EPHX1: variants seen among roughly 807,000 people sequenced by gnomAD.
The protein encoded by EPHX1 is epoxide hydratase.
EPHX1 carries 40 observed loss-of-function variants against 43.2 expected under a neutral mutation model. The observed-to-expected ratio is 0.93, with a 90% CI of 0.72 to 1.21. The LOEUF is 1.21. Among genes scored for constraint, EPHX1 ranks in the 50% most tolerant of loss-of-function variants. The pLI, the probability that EPHX1 is intolerant of heterozygous loss-of-function variation, is 0.00. For synonymous variants in EPHX1, 221 were observed against 226.7 expected, an observed-to-expected ratio of 0.98 and a Z score of 0.22; for missense variants, 550 against 570.4, an observed-to-expected ratio of 0.96 and a Z score of 0.36.
chr1:225,826,279 C>T (rs1317129075), intron 1 of EPHX1, among the ~76,000 whole-genome samples: 1 of 151,982 alleles, frequency 6.6e-6, no homozygotes, highest in Non-Finnish European at 1.5e-5. Flanking sequence ...GCCTGGCCAA[C>T]ATGGTGAAAC....
In EPHX1 at chr1:225,831,764, T is replaced by G. The variant is rs1667615102; in HGVS notation, c.184-15T>G. 2 of 1,613,496 alleles carry G rather than the reference T, an allele frequency of 1.2e-6. No individual in the cohort carries two copies. Among genetic ancestry groups the G allele is most frequent in the East Asian group, 4.5e-5 (2 of 44,876 alleles). ...TCCCATCCCTCTCAACTTGGGGTCCTGAATTTTGCTCCAGGACTTACACCA... is the reference window on the plus strand; with the variant it reads ...TCCCATCCCTCTCAACTTGGGGTCCGGAATTTTGCTCCAGGACTTACACCA... On this transcript the variant is annotated splice_polypyrimidine_tract_variant and intron_variant, in intron 2 of 8. Coordinates refer to ENST00000272167, the MANE Select transcript of EPHX1 (RefSeq NM_001136018.4).
chr1:225,820,140 C>T (rs2740178), intron 1 of EPHX1, among the ~76,000 whole-genome samples: 1 of 152,148 alleles, frequency 6.6e-6, no homozygotes, highest in Non-Finnish European at 1.5e-5. Context: ...CTGTGTTCCC[C>T]AGGCTGGAGT....
At chr1:225,842,646 G>A (rs1217749665) in intron 7 of EPHX1, among the ~76,000 whole-genome samples, 172 bp downstream of exon 7, 1 of 152,248 alleles carries the variant, frequency 6.6e-6, no homozygotes, top group Non-Finnish European at 1.5e-5. Flanking sequence ...TTTGGGTGAG[G>A]TGGCCTGGTG....
chr1:225,821,565 CTTTTTTTTTTTT>C (rs869228485), intron 1 of EPHX1, among the ~76,000 whole-genome samples: 1 of 69,844 alleles, frequency 1.4e-5, no homozygotes, highest in Admixed American at 1.8e-4. Flanking sequence ...TTTTTTGGTT[CTTTTTTTTTTTT>C]TTTTTTTTTT....
At chr1:225,828,984 A>G in intron 2 of EPHX1, 72 bp downstream of exon 2, 1 of 1,521,460 alleles carries the variant, frequency 6.6e-7, no homozygotes, top group South Asian at 1.2e-5. Context: ...GTTGGGTCTT[A>G]GGCCAGATGC....
intron 3 of EPHX1, among the ~76,000 whole-genome samples, chr1:225,834,829 T>A (rs1667865405): frequency 6.6e-6 from 1 of 152,194 alleles, no homozygotes; most frequent in Admixed American, 6.5e-5. Context: ...TTGTCCCAGC[T>A]CTTCAGTGTC....
chr1:225,840,157 C>T, intron 6 of EPHX1, 120 bp downstream of exon 6: 1 of 880,472 alleles, frequency 1.1e-6, no homozygotes, highest in South Asian at 1.4e-5. Flanking sequence ...TTGTAAGGAC[C>T]TCCCAGCTCT....
intron 8 of EPHX1, 148 bp from the exon 9 acceptor site, chr1:225,844,998 G>A (rs549036583): frequency 4.5e-5 from 40 of 881,000 alleles, no homozygotes; most frequent in African/African-American, 4.0e-4. Context: ...AGGGGAGAGC[G>A]GTTGAGACCC....
In EPHX1 at chr1:225,845,346, G is replaced by A; in HGVS notation, c.1367G>A (p.Ter456=). The A allele has an allele frequency of 6.2e-7, 1 of 1,606,732 alleles. No homozygotes were observed. The highest frequency in any genetic ancestry group is 8.5e-7 in the Non-Finnish European group (1 of 1,178,762). The part of the protein sequence containing the change: ...RKFLSVLERQ[*] ...TTCCTGTCGGTGCTGGAGCGGCAAT[G>A]ACCCACCCCTCTCCCCCCGCCTGCC... Residue 456 remains the stop codon, a stop_retained_variant, in exon 9 of 9, where the codon TGA becomes TAA. Coordinates refer to ENST00000272167, the MANE Select transcript of EPHX1 (RefSeq NM_001136018.4).
intron 3 of EPHX1, among the ~76,000 whole-genome samples, chr1:225,832,414 T>C (rs1304852481): frequency 6.6e-6 from 1 of 152,214 alleles, no homozygotes; most frequent in East Asian, 1.9e-4. Context: ...CAGGCAGCTG[T>C]AATCCCAGCT....
At chr1:225,840,176 T>G (rs562596640) in intron 6 of EPHX1, 139 bp downstream of exon 6, 46 of 780,058 alleles carry the variant, frequency 5.9e-5, no homozygotes, top group Middle Eastern at 3.5e-4. Flanking sequence ...CTTTAGATCT[T>G]TAAACTGCAT....
At position 225,838,884 on chromosome 1, in the gene EPHX1, A is replaced by G; in HGVS notation, c.592+3A>G. 2 of 1,613,852 alleles carry G rather than the reference A, an allele frequency of 1.2e-6. No homozygotes were observed. Among genetic ancestry groups the G allele is most frequent in the South Asian group, 1.1e-5 (1 of 91,070 alleles). On this transcript the variant is annotated splice_donor_region_variant and intron_variant, in intron 4 of 8. Transcript: ENST00000272167. Reference sequence around the variant, plus strand: ...CTCAGAGGCATCCTCCAAGAAGGGTACGGGGCTGCTAGAGGTTCCATAACT... The same window carrying G: ...CTCAGAGGCATCCTCCAAGAAGGGTGCGGGGCTGCTAGAGGTTCCATAACT...
At position 225,817,310 on chromosome 1, in the gene EPHX1, G is replaced by C. The variant is rs1448963876; in HGVS notation, c.-6+7141G>C. Among the ~76,000 whole-genome samples, 1 of 152,180 alleles carries C rather than the reference G, an allele frequency of 6.6e-6. No individual in the cohort carries two copies. Among genetic ancestry groups the C allele is most frequent in the Non-Finnish European group, 1.5e-5 (1 of 68,022 alleles). ...GCTGGGAGCTTCAGGATGGCTTTTG[G>C]GAAGCCCCTGGGAGCCCCAAGGCTT... On this transcript the variant is annotated intron_variant, in intron 1 of 8. Coordinates refer to ENST00000272167, the MANE Select transcript of EPHX1 (RefSeq NM_001136018.4). The surrounding 1 kb of genome is among the most constrained non-coding windows in gnomAD (Gnocchi z 5.7).
chr1:225,825,254 G>T (rs764768631), intron 1 of EPHX1: 1 of 152,232 alleles, frequency 6.6e-6, no homozygotes, highest in African/African-American at 2.4e-5. Context: ...AGATAACCAC[G>T]CTGTGCACAC....
intron 5 of EPHX1, 81 bp from the exon 6 acceptor site, chr1:225,839,748 G>T (rs1668235678): frequency 1.9e-5 from 28 of 1,443,762 alleles, no homozygotes; most frequent in Non-Finnish European, 2.7e-5. Context: ...CAGCCCTGAG[G>T]CCTGTTCCTC....
In EPHX1 at chr1:225,839,257, G is replaced by C; in HGVS notation, c.633G>C (p.Leu211=). The change falls in exon 5 of 9, where the codon CTG becomes CTC. Residue 211 remains leucine (L), a synonymous_variant. Transcript: ENST00000272167. ...CCACCGCCAGGATCTTTTACAAGCT[G>C]ATGCTGCGGCTGGGCTTCCAGGAAT... The part of the protein sequence containing the change: ...SVATARIFYK[L]MLRLGFQEFY... The C allele has an allele frequency of 6.2e-7, 1 of 1,614,138 alleles. No homozygotes were observed. Among genetic ancestry groups the C allele is most frequent in the Non-Finnish European group, 8.5e-7 (1 of 1,180,016 alleles).
chr1:225,830,219 T>C (rs1206540998), intron 2 of EPHX1, among the ~76,000 whole-genome samples: 3 of 152,194 alleles, frequency 2.0e-5, no homozygotes, highest in Admixed American at 6.5e-5. Flanking sequence ...TGGGTAGGAC[T>C]TGCTTGCTGC....
intron 1 of EPHX1, 23 bp from the exon 2 acceptor site, chr1:225,828,702 A>AT (rs773703322): frequency 5.6e-6 from 9 of 1,605,024 alleles, no homozygotes; most frequent in African/African-American, 1.4e-5. Flanking sequence ...CTCCGTTGTT[A>AT]ATGGCTTCCC....
intron 1 of EPHX1, among the ~76,000 whole-genome samples, chr1:225,811,861 A>G (rs956206769): frequency 6.6e-6 from 1 of 152,234 alleles, no homozygotes; most frequent in Non-Finnish European, 1.5e-5. Flanking sequence ...CACAGCGGGG[A>G]GCATGCCCTC....
Sources: gnomAD v4.1 joint callset for allele counts (sites outside exome capture counted in the v4.1 genomes callset) on GRCh38, gnomAD v4.1.1 for gene constraint, Gnocchi (gnomAD v3.1) non-coding constraint, MANE v1.5 for transcripts, NCBI Gene and HGNC (gene_info 2026-07-23, HGNC 2026-07-21) for gene names.